LOX: variants seen among roughly 807,000 people sequenced by gnomAD.
LOX encodes protein-lysine 6-oxidase.
Under a neutral mutation model 50.5 loss-of-function variants are expected in LOX, and 12 were observed. The ratio of observed to expected loss-of-function variants is 0.24; its 90% CI spans 0.15 to 0.38. The LOEUF is 0.38. Ranked by LOEUF, LOX falls within the 10% of genes least tolerant of loss-of-function variation. The probability of loss-of-function intolerance (pLI) is 1.00; values close to 1 mark genes in which losing one functional copy is unlikely to be tolerated. For synonymous variants in LOX, 254 were observed against 230.6 expected, an observed-to-expected ratio of 1.10 and a Z score of -0.92; for missense variants, 504 against 563.8, an observed-to-expected ratio of 0.89 and a Z score of 1.07.
intron 4 of LOX, among the ~76,000 whole-genome samples, chr5:122,071,464 A>G (rs1283413332): frequency 6.6e-6 from 1 of 152,212 alleles, no homozygotes; most frequent in African/African-American, 2.4e-5. Flanking sequence ...GCATGACTAA[A>G]TTGATGAATG....
chr5:122,077,774 T>A lies in LOX; in HGVS notation c.212A>T (p.Asp71Val). Residue 71 changes from aspartate to valine, a missense_variant, in exon 1 of 7, where the codon GAC becomes GTC. By Grantham distance (152) the Asp-to-Val change is radical. Around this residue, in one of 2 missense-constraint regions of LOX, gnomAD observed 398 missense variants for 365.8 expected, o/e 1.09. Coordinates refer to ENST00000231004, the MANE Select transcript of LOX (RefSeq NM_002317.7). This position sits in a 1 kb window ranked among gnomAD's most constrained non-coding sequence, Gnocchi z 4.9. ...GSQYQPQRRRDPGAAVPGAAN... is the reference protein window; with the variant it reads ...GSQYQPQRRRVPGAAVPGAAN... ...TGCACCAGGGACGGCGGCGCCCGGG[T>A]CCCGGCGGCGCTGAGGCTGGTACTG... The A allele has an allele frequency of 6.5e-7, 1 of 1,549,024 alleles. No homozygotes were observed. Among genetic ancestry groups the A allele is most frequent in the African/African-American group, 1.4e-5 (1 of 73,238 alleles).
chr5:122,064,187 A>G lies in LOX; in HGVS notation c.*2556T>C, dbSNP rs1345907304. The G allele has an allele frequency of 4.0e-5, 6 of 151,872 alleles. No homozygotes were observed. Among genetic ancestry groups the G allele is most frequent in the African/African-American group, 7.3e-5 (3 of 41,376 alleles). The allele number at this position is 151,872 out of a possible 1,614,324, so 9.4% of individuals were successfully genotyped here. On this transcript the variant is annotated 3_prime_UTR_variant, in exon 7 of 7. Coordinates refer to ENST00000231004, the MANE Select transcript of LOX (RefSeq NM_002317.7). ...ATTCTTTTTATCATTGCCAGTTCCTATTTTTTAAAATGTATTTAGAGTTTG... is the reference window on the plus strand; with the variant it reads ...ATTCTTTTTATCATTGCCAGTTCCTGTTTTTTAAAATGTATTTAGAGTTTG...
At chr5:122,073,039 T>C (rs1157960305) in intron 4 of LOX, among the ~76,000 whole-genome samples, 2 of 152,166 alleles carry the variant, frequency 1.3e-5, no homozygotes, top group Non-Finnish European at 2.9e-5. Context: ...CCCCTCCAAT[T>C]GCTATGATGT....
In LOX at chr5:122,078,064, G is replaced by A; in HGVS notation, c.-79C>T. ...AAAAACGGGGCTCAAATCACGTGAG[G>A]GAAGGAGAAATCTTCAACCAAGGAG... On this transcript the variant is annotated 5_prime_UTR_variant, in exon 1 of 7. Transcript: ENST00000231004. 7.5e-7 allele frequency: 1 copy of A among 1,330,062 alleles called. No homozygotes were observed. The highest frequency in any genetic ancestry group is 9.8e-7 in the Non-Finnish European group (1 of 1,020,384). 82.4% of individuals were successfully genotyped at this position (1,330,062 alleles called of 1,614,324 possible).
At position 122,077,365 on chromosome 5, in the gene LOX, G is replaced by A. The variant is rs1235288447; in HGVS notation, c.621C>T (p.Tyr207=). 1 of 1,613,734 alleles carries A rather than the reference G, an allele frequency of 6.2e-7. No individual in the cohort carries two copies. The highest frequency in any genetic ancestry group is 8.5e-7 in the Non-Finnish European group (1 of 1,180,008). ...CTTGGGGGTACTTACCGTACTGGAA[G>A]TAGCCAGTGCCGTATCCGGGCCGGT... The part of the protein sequence containing the change: ...GRYRPGYGTG[Y]FQYGLPDLVA... Residue 207 remains tyrosine, a synonymous_variant, in exon 1 of 7, where the codon TAC becomes TAT. Coordinates refer to ENST00000231004, the MANE Select transcript of LOX (RefSeq NM_002317.7). The surrounding 1 kb of genome is among the most constrained non-coding windows in gnomAD (Gnocchi z 4.9).
intron 6 of LOX, among the ~76,000 whole-genome samples, chr5:122,069,523 C>T (rs867434810): frequency 6.6e-6 from 1 of 152,012 alleles, no homozygotes; most frequent in Non-Finnish European, 1.5e-5. Context: ...TATGAAGAAA[C>T]CTCCACACAC....
rs1278157005 is a variant in LOX at position 122,077,686 on chromosome 5, G to C, written c.300C>G (p.Ala100=). ...PILLIRDNRT[A]AARTRTAGSS... ...AGCCGGCCGTCCGCGTTCGCGCCGCGGCGGTGCGGTTGTCGCGGATCAGCA... is the reference window on the plus strand; with the variant it reads ...AGCCGGCCGTCCGCGTTCGCGCCGCCGCGGTGCGGTTGTCGCGGATCAGCA... The change falls in exon 1 of 7, where the codon GCC becomes GCG. Residue 100 remains alanine (A), a synonymous_variant. Coordinates refer to ENST00000231004, the MANE Select transcript of LOX (RefSeq NM_002317.7). The surrounding 1 kb of genome is among the most constrained non-coding windows in gnomAD (Gnocchi z 4.9). The C allele has an allele frequency of 1.9e-6, 3 of 1,600,324 alleles. No homozygotes were observed. Among genetic ancestry groups the C allele is most frequent in the Non-Finnish European group, 2.6e-6 (3 of 1,175,580 alleles).
In LOX at chr5:122,071,219, G is replaced by GTGTGTA. The variant is rs1554060862; in HGVS notation, c.1036-631_1036-630insTACACA. ...TGTGTGTGTGTGTGTGTGTGTGTGT[G>GTGTGTA]TATAAAAATTCAATTTTCACAACTA... is the stretch of plus-strand genomic sequence containing the variant. On this transcript the variant is annotated intron_variant, in intron 4 of 6. Coordinates refer to ENST00000231004, the MANE Select transcript of LOX (RefSeq NM_002317.7). Among the ~76,000 whole-genome samples the GTGTGTA allele has an allele frequency of 2.1e-4, 30 of 144,184 alleles. 1 individual carries two copies. The South Asian group carries it at 6.1e-3, about 29-fold the overall frequency. The allele number at this position is 144,184 out of a possible 152,430, so 94.6% of individuals were successfully genotyped here.
In LOX at chr5:122,077,761, G is replaced by T. The variant is rs2278226; in HGVS notation, c.225C>A (p.Ala75=). 3.9e-6 allele frequency: 6 copies of T among 1,552,786 alleles called. No homozygotes were observed. The highest frequency in any genetic ancestry group is 2.4e-5 in the East Asian group (1 of 41,744). ...QPQRRRDPGA[A]VPGAANASAQ... The stretch of plus-strand genomic sequence containing the variant: ...CGGAGGCGTTGGCTGCACCAGGGAC[G>T]GCGGCGCCCGGGTCCCGGCGGCGCT... The change falls in exon 1 of 7, where the codon GCC becomes GCA. Residue 75 remains alanine, a synonymous_variant. Transcript: ENST00000231004. This position sits in a 1 kb window ranked among gnomAD's most constrained non-coding sequence, Gnocchi z 4.9.
chr5:122,075,256 A>C, intron 3 of LOX, 148 bp downstream of exon 3: 1 of 662,798 alleles, frequency 1.5e-6, no homozygotes. Context: ...TAGATGGGTT[A>C]TGTGAAATTA....
intron 4 of LOX, among the ~76,000 whole-genome samples, chr5:122,071,606 G>T (rs746084212): frequency 6.6e-6 from 1 of 152,192 alleles, no homozygotes; most frequent in East Asian, 1.9e-4. Context: ...AGTTTCCTCA[G>T]ATTGGAGTCT....
At chr5:122,073,582 G>A (rs996750078) in intron 4 of LOX, among the ~76,000 whole-genome samples, 28 of 152,132 alleles carry the variant, frequency 1.8e-4, no homozygotes, top group African/African-American at 6.5e-4. Flanking sequence ...TTACTAAGCC[G>A]GTTAAGGAAT....
Position 122,077,921 on chromosome 5 carries a change from G to A in LOX, c.65C>T (p.Ala22Val). The change falls in exon 1 of 7, where the codon GCC becomes GTC. Residue 22 changes from alanine to valine, a missense_variant. By Grantham distance (64) the Ala-to-Val change is moderately conservative (BLOSUM62 0). Around this residue, in one of 2 missense-constraint regions of LOX, gnomAD observed 398 missense variants for 365.8 expected, o/e 1.09. Transcript: ENST00000231004. This position sits in a 1 kb window ranked among gnomAD's most constrained non-coding sequence, Gnocchi z 4.9. ...PLQLCALVHC[A>V]PPAAGQQQPP... ...CTGCTGTTGGCCGGCGGCGGGAGGG[G>A]CGCAGTGCACTAGCGCGCAGAGCTG... is the stretch of plus-strand genomic sequence containing the variant. 6.6e-7 allele frequency: 1 copy of A among 1,517,528 alleles called. No individual in the cohort carries two copies. Among genetic ancestry groups the A allele is most frequent in the Non-Finnish European group, 8.7e-7 (1 of 1,143,972 alleles). 94.0% of individuals were successfully genotyped at this position (1,517,528 alleles called of 1,614,324 possible). A position where few individuals can be genotyped will look rare whatever the true frequency, so the allele number is the denominator to read the frequency against.
At chr5:122,068,514 T>TA (rs1481680370) in intron 6 of LOX, among the ~76,000 whole-genome samples, 12 of 152,146 alleles carry the variant, frequency 7.9e-5, no homozygotes, top group African/African-American at 2.9e-4. Flanking sequence ...TCACTTCCCC[T>TA]ACTCAAAATG....
Position 122,066,132 on chromosome 5 carries a change from T to A in LOX, c.*611A>T, listed in dbSNP as rs530692658. ...TGAAAGAAAGGAAGTTATCTACTAA[T>A]TTTTTAAATGTAAACATACTTTTTA... On this transcript the variant is annotated 3_prime_UTR_variant, in exon 7 of 7. Transcript: ENST00000231004. 3.9e-5 allele frequency: 6 copies of A among 152,256 alleles called. No homozygotes were observed. Among genetic ancestry groups the A allele is most frequent in the Admixed American group, 2.6e-4 (4 of 15,282 alleles). The allele number at this position is 152,256 out of a possible 1,614,324, so 9.4% of individuals were successfully genotyped here. A position where few individuals can be genotyped will look rare whatever the true frequency, so the allele number is the denominator to read the frequency against.
At chr5:122,074,349 C>G (rs112668038) in intron 3 of LOX, among the ~76,000 whole-genome samples, 180 bp from the exon 4 acceptor site, 18 of 152,088 alleles carry the variant, frequency 1.2e-4, no homozygotes, top group Non-Finnish European at 2.2e-4. Context: ...ATAAGTCTAT[C>G]AAAATTGTAA....
Position 122,078,052 on chromosome 5 carries a change from A to T in LOX, c.-67T>A, listed in dbSNP as rs1754695771. The T allele has an allele frequency of 7.3e-7, 1 of 1,375,760 alleles. No individual in the cohort carries two copies. 85.2% of individuals were successfully genotyped at this position (1,375,760 alleles called of 1,614,324 possible). A position where few individuals can be genotyped will look rare whatever the true frequency, so the allele number is the denominator to read the frequency against. ...CTCACAGAAAATAAAAACGGGGCTCAAATCACGTGAGGGAAGGAGAAATCT... is the reference window on the plus strand; with the variant it reads ...CTCACAGAAAATAAAAACGGGGCTCTAATCACGTGAGGGAAGGAGAAATCT... On this transcript the variant is annotated 5_prime_UTR_variant, in exon 1 of 7. Coordinates refer to ENST00000231004, the MANE Select transcript of LOX (RefSeq NM_002317.7).
In LOX at chr5:122,063,458, A is replaced by C. The variant is rs1050296739; in HGVS notation, c.*3285T>G. 1 of 151,944 alleles carries C rather than the reference A, an allele frequency of 6.6e-6. No homozygotes were observed. Among genetic ancestry groups the C allele is most frequent in the Non-Finnish European group, 1.5e-5 (1 of 67,888 alleles). The allele number at this position is 151,944 out of a possible 1,614,324, so 9.4% of individuals were successfully genotyped here. A position where few individuals can be genotyped will look rare whatever the true frequency, so the allele number is the denominator to read the frequency against. The stretch of plus-strand genomic sequence containing the variant: ...GCAGTTTTATATTAATTAAATGTTT[A>C]TATACCACAAGCTAAGATTTAATGC... On this transcript the variant is annotated 3_prime_UTR_variant, in exon 7 of 7. Transcript: ENST00000231004.
intron 4 of LOX, among the ~76,000 whole-genome samples, chr5:122,073,520 G>C (rs555518796): frequency 2.0e-5 from 3 of 152,168 alleles, no homozygotes; most frequent in Non-Finnish European, 4.4e-5. Context: ...AAAACAGAAG[G>C]AAGGAATGGT....
Sources: gnomAD v4.1 joint callset for allele counts (sites outside exome capture counted in the v4.1 genomes callset) on GRCh38, gnomAD v4.1.1 for gene constraint, gnomAD v4.1.1 regional missense constraint, Gnocchi (gnomAD v3.1) non-coding constraint, MANE v1.5 for transcripts, NCBI Gene and HGNC (gene_info 2026-07-23, HGNC 2026-07-21) for gene names.